Variants in GRIK2 observed in about 807,000 individuals in gnomAD.
GRIK2 encodes the protein glutamate ionotropic receptor kainate type subunit 2, also known as glutamate receptor ionotropic, kainate 2.
Under a neutral mutation model 100.3 loss-of-function variants are expected in GRIK2, and 32 were observed. The ratio of observed to expected loss-of-function variants is 0.32; its 90% CI spans 0.24 to 0.43. GRIK2 has a LOEUF of 0.43. Among genes scored for constraint, GRIK2 ranks in the 20% least tolerant of loss-of-function variants. The pLI, the probability that GRIK2 is intolerant of heterozygous loss-of-function variation, is 1.00. For missense variants in GRIK2, 843 were observed against 1,114.9 expected (o/e 0.76, Z 3.47); for synonymous variants, 417 against 389.4 (o/e 1.07, Z -0.83).
At chr6:101,920,658 A>C (rs1401341791) in intron 12 of GRIK2, among the ~76,000 whole-genome samples, 1 of 151,636 alleles carries the variant, frequency 6.6e-6, no homozygotes, top group Non-Finnish European at 1.5e-5. Context: ...TTGAATATCT[A>C]TGGAGTGAAG....
chr6:101,966,668 A>G (rs1237145763), intron 14 of GRIK2, among the ~76,000 whole-genome samples: 1 of 152,124 alleles, frequency 6.6e-6, no homozygotes, highest in Non-Finnish European at 1.5e-5. Flanking sequence ...AAGAGGGACG[A>G]ATATTTGACA....
At chr6:101,717,875 G>A (rs1774178997) in intron 7 of GRIK2, among the ~76,000 whole-genome samples, 1 of 151,726 alleles carries the variant, frequency 6.6e-6, no homozygotes, top group African/African-American at 2.4e-5. Flanking sequence ...TGTGCTTGGG[G>A]AAAGCCTTTA....
At chr6:101,610,102 A>G (rs1779604949) in intron 2 of GRIK2, among the ~76,000 whole-genome samples, 1 of 151,618 alleles carries the variant, frequency 6.6e-6, no homozygotes, top group African/African-American at 2.4e-5. Context: ...AAACAAAATA[A>G]AATAATAAGC....
intron 12 of GRIK2, 116 bp downstream of exon 12, chr6:101,889,979 C>A: frequency 1.5e-6 from 1 of 666,648 alleles, no homozygotes. Context: ...CCATGGGGTG[C>A]TGAGAAATAA....
rs189279979 is a variant in GRIK2 at position 101,485,667 on chromosome 6, G to A, written c.115+86275G>A. ...TTACAACGGTCCGGGAAGTTTTATA[G>A]GGATAAGAGCAATTATATTGAAATA... On this transcript the variant is annotated intron_variant, in intron 2 of 16. Transcript: ENST00000369134. 8.3e-4 allele frequency among the ~76,000 whole-genome samples: 127 copies of A among 152,198 alleles called. 1 individual carries two copies. The highest frequency in any genetic ancestry group is 1.4e-3 in the Admixed American group (22 of 15,278).
intron 2 of GRIK2, among the ~76,000 whole-genome samples, chr6:101,590,147 G>T (rs1207562259): frequency 6.6e-6 from 1 of 151,936 alleles, no homozygotes; most frequent in African/African-American, 2.4e-5. Context: ...TGTTATTGTT[G>T]TTTATAATAT....
intron 2 of GRIK2, among the ~76,000 whole-genome samples, chr6:101,419,192 A>G (rs552962908): frequency 6.6e-6 from 1 of 152,298 alleles, no homozygotes; most frequent in East Asian, 1.9e-4. Context: ...TTTTCCTGTC[A>G]CATGATCTAT....
intron 7 of GRIK2, among the ~76,000 whole-genome samples, chr6:101,723,234 T>C (rs1774616236): frequency 2.0e-5 from 3 of 151,986 alleles, no homozygotes; most frequent in Admixed American, 6.6e-5. Context: ...CTTTTTTTTC[T>C]CCAGGCATAG....
chr6:101,638,371 G>A (rs577369899), intron 4 of GRIK2, among the ~76,000 whole-genome samples: 3 of 151,810 alleles, frequency 2.0e-5, no homozygotes, highest in African/African-American at 4.8e-5. Context: ...AGTATCAAAC[G>A]TGATAGGTGT....
chr6:101,508,594 G>T (rs750945512), intron 2 of GRIK2, among the ~76,000 whole-genome samples: 2 of 152,142 alleles, frequency 1.3e-5, no homozygotes, highest in African/African-American at 2.4e-5. Context: ...ATACTAAGAT[G>T]TTAAGGCAAA....
At chr6:101,556,290 TACA>T (rs1331584458) in intron 2 of GRIK2, among the ~76,000 whole-genome samples, 2 of 146,252 alleles carry the variant, frequency 1.4e-5, no homozygotes, top group Admixed American at 6.9e-5. Flanking sequence ...TGTCAAGAAA[TACA>T]ACAATTGCAC....
At chr6:102,051,352 G>A (rs1008838897) in intron 15 of GRIK2, among the ~76,000 whole-genome samples, 1 of 137,354 alleles carries the variant, frequency 7.3e-6, no homozygotes, top group African/African-American at 2.8e-5. Context: ...CTTGGTAAAA[G>A]GGATCTTTTG....
intron 14 of GRIK2, among the ~76,000 whole-genome samples, chr6:102,015,857 A>G (rs1050001539): frequency 2.0e-5 from 3 of 152,140 alleles, no homozygotes; most frequent in Non-Finnish European, 4.4e-5. Context: ...TGGCTCCCCA[A>G]TCAGATTTAG....
At chr6:101,867,545 A>T (rs908021610) in intron 11 of GRIK2, among the ~76,000 whole-genome samples, 1 of 151,778 alleles carries the variant, frequency 6.6e-6, no homozygotes, top group Non-Finnish European at 1.5e-5. Context: ...GATTCATTAG[A>T]AATTATCCCA....
At chr6:101,669,666 TA>T (rs1190780759) in intron 4 of GRIK2, among the ~76,000 whole-genome samples, 1 of 152,178 alleles carries the variant, frequency 6.6e-6, no homozygotes, top group Non-Finnish European at 1.5e-5. Context: ...ACATTGCTGC[TA>T]CTTAAGTCCA....
intron 14 of GRIK2, among the ~76,000 whole-genome samples, chr6:101,929,996 T>TA (rs142917086): frequency 0.022 from 3,330 of 152,226 alleles, 125 homozygotes; most frequent in African/African-American, 0.076. Context: ...TGAGAATTTA[T>TA]AAGATTTCCT....
At chr6:101,646,043 G>C (rs929645767) in intron 4 of GRIK2, among the ~76,000 whole-genome samples, 1 of 151,810 alleles carries the variant, frequency 6.6e-6, no homozygotes, top group Non-Finnish European at 1.5e-5. Context: ...TGTGTAAACT[G>C]TGACTGCCCA....
chr6:101,663,361 C>T lies in GRIK2; in HGVS notation c.542-13262C>T, dbSNP rs555086638. On this transcript the variant is annotated intron_variant, in intron 4 of 16. Transcript: ENST00000369134. ...TCACAAGCTGAGAGGGCAGTGAGAGCGACAGTAAGACAGGCGTACATCTGA... is the reference window on the plus strand; with the variant it reads ...TCACAAGCTGAGAGGGCAGTGAGAGTGACAGTAAGACAGGCGTACATCTGA... 2.7e-4 allele frequency among the ~76,000 whole-genome samples: 41 copies of T among 152,054 alleles called. No individual in the cohort carries two copies. In the South Asian group the frequency reaches 5.6e-3, roughly 21 times the overall value.
At chr6:101,985,962 C>G (rs1793994821) in intron 14 of GRIK2, among the ~76,000 whole-genome samples, 1 of 151,682 alleles carries the variant, frequency 6.6e-6, no homozygotes, top group Admixed American at 6.6e-5. Flanking sequence ...TTGTAAAACT[C>G]ATTGCATATT....
Sources: allele counts gnomAD v4.1 joint callset (sites outside exome capture counted in the v4.1 genomes callset), GRCh38; gene constraint gnomAD v4.1.1; transcripts MANE v1.5; gene names NCBI Gene and HGNC (gene_info 2026-07-23, HGNC 2026-07-21).